VEPH1: variants seen among roughly 807,000 people sequenced by gnomAD.
VEPH1 encodes ventricular zone expressed PH domain containing 1.
VEPH1 carries 80 observed loss-of-function variants against 85.2 expected under a neutral mutation model. The observed-to-expected ratio is 0.94, with a 90% CI of 0.78 to 1.13. The LOEUF (loss-of-function observed/expected upper bound fraction) is 1.13. VEPH1 is among the 50% of genes most tolerant of loss of function. VEPH1 has a pLI of 0.00. For missense variants in VEPH1, 955 were observed against 980.5 expected (o/e 0.97, Z 0.35); for synonymous variants, 297 against 348.0 (o/e 0.85, Z 1.63).
intron 13 of VEPH1, 53 bp downstream of exon 13, chr3:157,265,473 G>A: frequency 1.9e-6 from 3 of 1,571,680 alleles, no homozygotes; most frequent in Non-Finnish European, 2.6e-6. Context: ...TTAGCTATTG[G>A]TGGAGATCAA....
chr3:157,482,367 G>A (rs532073517), intron 2 of VEPH1, among the ~76,000 whole-genome samples: 1 of 152,200 alleles, frequency 6.6e-6, no homozygotes, highest in East Asian at 1.9e-4. Context: ...TGGAACCACA[G>A]GCATGCACCA....
At chr3:157,488,218 C>G (rs571439331) in intron 2 of VEPH1, among the ~76,000 whole-genome samples, 3 of 152,112 alleles carry the variant, frequency 2.0e-5, no homozygotes, top group African/African-American at 4.8e-5. Flanking sequence ...TTTCTCTGAT[C>G]TTTATGGGAA....
chr3:157,384,905 G>A (rs895824006), intron 6 of VEPH1, among the ~76,000 whole-genome samples: 2 of 152,126 alleles, frequency 1.3e-5, no homozygotes, highest in African/African-American at 4.8e-5. Flanking sequence ...CCCCATTGAG[G>A]GGTAGGGTCA....
In VEPH1 at chr3:157,451,928, A is replaced by C. The variant is rs77773090; in HGVS notation, c.529+8253T>G. Among the ~76,000 whole-genome samples the C allele has an allele frequency of 3.7e-3, 565 of 152,328 alleles. 17 individuals carry two copies. In the East Asian group the frequency reaches 0.067, roughly 18 times the overall value. On this transcript the variant is annotated intron_variant, in intron 4 of 13. Coordinates refer to ENST00000362010, the MANE Select transcript of VEPH1 (RefSeq NM_001167912.2). ...GGTGAATCTCATGAAAGAAAAGTGTAAAGAATTAAAAGTAAGTACTTGCAT... is the reference window on the plus strand; with the variant it reads ...GGTGAATCTCATGAAAGAAAAGTGTCAAGAATTAAAAGTAAGTACTTGCAT...
intron 12 of VEPH1, among the ~76,000 whole-genome samples, chr3:157,269,721 A>C (rs1714290776): frequency 6.9e-6 from 1 of 143,990 alleles, no homozygotes; most frequent in Non-Finnish European, 1.5e-5. Flanking sequence ...TATTGCCCAT[A>C]GTACGTCCTT....
intron 4 of VEPH1, chr3:157,436,973 G>A (rs765511514): frequency 1.2e-6 from 2 of 1,614,032 alleles, no homozygotes; most frequent in Non-Finnish European, 1.7e-6. Context: ...TCTCTGGTCT[G>A]CAGTGTTGGC....
At chr3:157,322,875 GA>G (rs1158053468) in intron 9 of VEPH1, among the ~76,000 whole-genome samples, 21 of 152,020 alleles carry the variant, frequency 1.4e-4, no homozygotes, top group Admixed American at 9.8e-4. Flanking sequence ...AATTGGACAG[GA>G]AAAAAAAGTA....
chr3:157,495,460 A>G lies in VEPH1; in HGVS notation c.-111T>C. On this transcript the variant is annotated 5_prime_UTR_variant, in exon 2 of 14. An upstream start codon of the reference 5' UTR is lost. Transcript: ENST00000362010. ...TAGAAGGAGGTATACTTCTTATTCC[A>G]TGAAAGGTCATTTTTCTCCAGACTT... 2 of 1,510,646 alleles carry G rather than the reference A, an allele frequency of 1.3e-6. No individual in the cohort carries two copies. Among genetic ancestry groups the G allele is most frequent in the Non-Finnish European group, 8.8e-7 (1 of 1,131,694 alleles). 93.6% of individuals were successfully genotyped at this position (1,510,646 alleles called of 1,614,324 possible).
chr3:157,424,534 A>G (rs1271751873), intron 5 of VEPH1, among the ~76,000 whole-genome samples: 1 of 152,210 alleles, frequency 6.6e-6, no homozygotes, highest in Non-Finnish European at 1.5e-5. Flanking sequence ...CTTGTTGAAT[A>G]GCTTTGACCA....
intron 6 of VEPH1, among the ~76,000 whole-genome samples, chr3:157,401,757 C>A (rs1730809546): frequency 6.6e-6 from 1 of 150,398 alleles, no homozygotes. Context: ...GGTTTCGCAG[C>A]AACTGTGATT....
At chr3:157,281,871 A>C (rs946559488) in intron 12 of VEPH1, among the ~76,000 whole-genome samples, 1 of 152,194 alleles carries the variant, frequency 6.6e-6, no homozygotes, top group Non-Finnish European at 1.5e-5. Flanking sequence ...TTAAAGTTCT[A>C]TGAAAGTTGA....
intron 9 of VEPH1, among the ~76,000 whole-genome samples, chr3:157,360,128 T>A (rs1457856545): frequency 1.3e-5 from 2 of 152,194 alleles, no homozygotes; most frequent in South Asian, 2.1e-4. Flanking sequence ...GTAATATTGT[T>A]GAGCAATCTT....
chr3:157,393,170 A>G (rs144171628), intron 6 of VEPH1, among the ~76,000 whole-genome samples: 281 of 152,360 alleles, frequency 1.8e-3, no homozygotes, highest in Non-Finnish European at 3.4e-3. Context: ...CAATTCAAAT[A>G]TAATGATGAT....
intron 9 of VEPH1, among the ~76,000 whole-genome samples, chr3:157,357,412 T>C (rs1030803710): frequency 2.6e-5 from 4 of 152,236 alleles, no homozygotes; most frequent in African/African-American, 9.6e-5. Flanking sequence ...AGATGAATAT[T>C]CATCTCATCT....
intron 12 of VEPH1, among the ~76,000 whole-genome samples, chr3:157,285,507 TA>T (rs1400345829): frequency 1.3e-5 from 2 of 152,282 alleles, no homozygotes. Context: ...ATCCTAAAAT[TA>T]AAGGACCAGG....
intron 4 of VEPH1, among the ~76,000 whole-genome samples, chr3:157,456,720 A>G (rs1042887100): frequency 2.6e-5 from 4 of 151,872 alleles, no homozygotes; most frequent in Non-Finnish European, 2.9e-5. Flanking sequence ...ATTCTGTTCT[A>G]TTGGTCTATG....
intron 4 of VEPH1, among the ~76,000 whole-genome samples, chr3:157,451,108 G>A (rs922561943): frequency 6.6e-6 from 1 of 152,190 alleles, no homozygotes; most frequent in Non-Finnish European, 1.5e-5. Context: ...GAATAAGGTG[G>A]AGAATGTTTT....
rs1423472159 is a variant in VEPH1 at position 157,298,504 on chromosome 3, C to T, written c.2011-11830G>A. On this transcript the variant is annotated intron_variant, in intron 11 of 13. Transcript: ENST00000362010. ...CCTAAGAATTTGCATTTTTAACAAG[C>T]GCCCCAAGGACACTTGCATAAACTA... is the stretch of plus-strand genomic sequence containing the variant. Among the ~76,000 whole-genome samples the T allele has an allele frequency of 5.9e-5, 9 of 152,266 alleles. No homozygotes were observed. In the South Asian group the frequency reaches 6.2e-4, roughly 11 times the overall value.
Position 157,503,311 on chromosome 3 carries a change from G to A in VEPH1, c.-192C>T, listed in dbSNP as rs1740256247. On this transcript the variant is annotated 5_prime_UTR_variant, in exon 1 of 14. Transcript: ENST00000362010. ...CAGGAATCTCTGGTCATAGAAAATA[G>A]AAGGCAAAATCCTTGATCTTTAGAG... The A allele has an allele frequency of 6.6e-6, 1 of 152,188 alleles. No homozygotes were observed. Among genetic ancestry groups the A allele is most frequent in the African/African-American group, 2.4e-5 (1 of 41,428 alleles). 9.4% of individuals were successfully genotyped at this position (152,188 alleles called of 1,614,324 possible).
Sources: allele counts gnomAD v4.1 joint callset (sites outside exome capture counted in the v4.1 genomes callset), GRCh38; gene constraint gnomAD v4.1.1; transcripts MANE v1.5; gene names NCBI Gene and HGNC (gene_info 2026-07-23, HGNC 2026-07-21).